Variants in UNC13C observed in about 807,000 individuals in gnomAD.
The protein encoded by UNC13C is protein unc-13 homolog C.
UNC13C carries 174 observed loss-of-function variants against 245.4 expected under a neutral mutation model. The ratio of observed to expected loss-of-function variants is 0.71; its 90% CI spans 0.63 to 0.80. UNC13C has a LOEUF of 0.80. Ranked by LOEUF, UNC13C falls within the 30% of genes least tolerant of loss-of-function variation. UNC13C has a pLI of 0.00. For synonymous variants in UNC13C, 992 were observed against 895.1 expected, an observed-to-expected ratio of 1.11 and a Z score of -1.93; for missense variants, 2,829 against 2,602.9, an observed-to-expected ratio of 1.09 and a Z score of -1.89.
chr15:53,915,297 C>A, the UNC13C span, among the ~76,000 whole-genome samples: 1 of 152,172 alleles, frequency 6.6e-6, no homozygotes, highest in Non-Finnish European at 1.5e-5. Flanking sequence ...TATAGGTCAG[C>A]TTCCAACACT....
At chr15:53,895,345 C>CAAAAA in the UNC13C span, among the ~76,000 whole-genome samples, 135 of 33,720 alleles carry the variant, frequency 4.0e-3, no homozygotes, top group Middle Eastern at 0.018. Context: ...GATTTCATCT[C>CAAAAA]AAAAAAAAAA....
the UNC13C span, among the ~76,000 whole-genome samples, chr15:53,843,402 C>T: frequency 6.6e-6 from 1 of 152,266 alleles, no homozygotes; most frequent in African/African-American, 2.4e-5. Flanking sequence ...GCAGAAGTTG[C>T]AGTGAGCTGT....
intron 30 of UNC13C, among the ~76,000 whole-genome samples, chr15:54,602,631 T>G (rs12592914): frequency 2.0e-5 from 3 of 151,976 alleles, no homozygotes; most frequent in Non-Finnish European, 2.9e-5. Context: ...TTGTAACATA[T>G]AGCACAGAAC....
intron 4 of UNC13C, 127 bp from the exon 5 acceptor site, chr15:54,234,903 T>C: frequency 1.3e-6 from 1 of 758,794 alleles, no homozygotes; most frequent in Non-Finnish European, 2.1e-6. Context: ...TGCAGCTTTG[T>C]GAATCGTTTG....
At chr15:54,332,307 G>C (rs972313600) in intron 15 of UNC13C, among the ~76,000 whole-genome samples, 196 bp downstream of exon 15, 16 of 141,950 alleles carry the variant, frequency 1.1e-4, no homozygotes, top group Non-Finnish European at 2.3e-4. Flanking sequence ...ACAATACTCT[G>C]TGTGTGTGTG....
chr15:53,877,977 T>G, the UNC13C span, among the ~76,000 whole-genome samples: 1 of 152,214 alleles, frequency 6.6e-6, no homozygotes, highest in Non-Finnish European at 1.5e-5. Context: ...CTCTTTTTGT[T>G]CAATATACAT....
intron 11 of UNC13C, among the ~76,000 whole-genome samples, chr15:54,294,842 T>G (rs570831836): frequency 6.6e-6 from 1 of 152,250 alleles, no homozygotes; most frequent in East Asian, 1.9e-4. Flanking sequence ...AGTTACCACT[T>G]AGGATACCAA....
chr15:54,390,190 A>C (rs985178642), intron 17 of UNC13C, among the ~76,000 whole-genome samples: 1 of 152,192 alleles, frequency 6.6e-6, no homozygotes, highest in Non-Finnish European at 1.5e-5. Flanking sequence ...CACTAAGTTG[A>C]AGATATCATT....
chr15:54,444,515 T>C (rs1596384339), intron 19 of UNC13C, among the ~76,000 whole-genome samples: 1 of 151,938 alleles, frequency 6.6e-6, no homozygotes, highest in African/African-American at 2.4e-5. Flanking sequence ...AAAATTTAAT[T>C]TATTTCAATT....
intron 17 of UNC13C, 86 bp from the exon 18 acceptor site, chr15:54,392,962 C>A: frequency 2.2e-6 from 3 of 1,366,704 alleles, no homozygotes; most frequent in Non-Finnish European, 2.9e-6. Flanking sequence ...AATCATTTTT[C>A]TTTGATCTTC....
At chr15:54,172,715 T>G (rs1489563925) in intron 4 of UNC13C, among the ~76,000 whole-genome samples, 3 of 17,316 alleles carry the variant, frequency 1.7e-4, no homozygotes, top group Admixed American at 5.0e-4. Context: ...TATATATATA[T>G]ATATATATAT....
At chr15:54,354,246 A>T (rs2039045739) in intron 17 of UNC13C, among the ~76,000 whole-genome samples, 1 of 151,810 alleles carries the variant, frequency 6.6e-6, no homozygotes, top group Non-Finnish European at 1.5e-5. Flanking sequence ...AATGTTTGTG[A>T]ATCATCTTAC....
At chr15:54,463,010 T>C (rs1317505084) in intron 19 of UNC13C, among the ~76,000 whole-genome samples, 1 of 151,892 alleles carries the variant, frequency 6.6e-6, no homozygotes, top group Non-Finnish European at 1.5e-5. Flanking sequence ...GGTTTGTGGA[T>C]GCATCAATCA....
intron 2 of UNC13C, among the ~76,000 whole-genome samples, chr15:54,038,887 C>T (rs1453738586): frequency 6.6e-6 from 1 of 152,020 alleles, no homozygotes; most frequent in East Asian, 1.9e-4. Flanking sequence ...AACACAGTTA[C>T]AATATAATTG....
intron 29 of UNC13C, among the ~76,000 whole-genome samples, chr15:54,560,770 G>C (rs573907697): frequency 6.6e-6 from 1 of 152,070 alleles, no homozygotes; most frequent in South Asian, 2.1e-4. Context: ...AAGAGAGAGA[G>C]AGAGAAAGAC....
the UNC13C span, among the ~76,000 whole-genome samples, chr15:53,878,977 A>T: frequency 6.6e-6 from 1 of 152,188 alleles, no homozygotes; most frequent in Non-Finnish European, 1.5e-5. Flanking sequence ...GCTTTTGAAC[A>T]GTTAAATCAA....
At chr15:54,332,132 C>A in intron 15 of UNC13C, 21 bp downstream of exon 15, 1 of 1,487,768 alleles carries the variant, frequency 6.7e-7, no homozygotes, top group South Asian at 1.3e-5. Context: ...ATTTACTTGC[C>A]TAAAAGAAAA....
chr15:54,053,150 C>G (rs937006075), intron 2 of UNC13C, among the ~76,000 whole-genome samples: 1 of 151,992 alleles, frequency 6.6e-6, no homozygotes, highest in Non-Finnish European at 1.5e-5. Context: ...AGGTGTGCAC[C>G]ACTACAGGTG....
intron 2 of UNC13C, among the ~76,000 whole-genome samples, chr15:54,052,650 G>T (rs868309871): frequency 4.6e-5 from 7 of 152,188 alleles, no homozygotes; most frequent in African/African-American, 1.4e-4. Context: ...TGGCTTTCCA[G>T]TTGTTAAAAC....
Sources: gnomAD v4.1 joint callset for allele counts (sites outside exome capture counted in the v4.1 genomes callset) on GRCh38, gnomAD v4.1.1 for gene constraint, MANE v1.5 for transcripts, NCBI Gene and HGNC (gene_info 2026-07-23, HGNC 2026-07-21) for gene names.